GSTA1: variants seen among roughly 807,000 people sequenced by gnomAD.
GSTA1 encodes glutathione S-transferase alpha 1, also known as glutathione S-transferase A1.
GSTA1 carries 23 observed loss-of-function variants against 21.5 expected under a neutral mutation model. The ratio of observed to expected loss-of-function variants is 1.07; its 90% CI spans 0.77 to 1.52. The LOEUF is 1.52. Ranked by LOEUF, GSTA1 falls within the 40% of genes most tolerant of loss-of-function variation. GSTA1 has a pLI of 0.00. For synonymous variants in GSTA1, 125 were observed against 90.0 expected, an observed-to-expected ratio of 1.39 and a Z score of -2.20; for missense variants, 301 against 264.2, an observed-to-expected ratio of 1.14 and a Z score of -0.96.
chr6:52,802,036 G>A (rs1027452546), intron 1 of GSTA1, among the ~76,000 whole-genome samples: 3 of 152,132 alleles, frequency 2.0e-5, no homozygotes, highest in Non-Finnish European at 4.4e-5. Flanking sequence ...AGGAGAGGAC[G>A]AGAGGGGAAC....
At chr6:52,796,368 T>C (rs1272232597) in intron 3 of GSTA1, 54 bp from the exon 4 acceptor site, 2 of 1,609,328 alleles carry the variant, frequency 1.2e-6, no homozygotes, top group African/African-American at 2.7e-5. Flanking sequence ...CCCACCCTTT[T>C]GGGATGAACA....
chr6:52,794,530 G>C (rs1294748745), intron 4 of GSTA1, among the ~76,000 whole-genome samples: 3 of 152,118 alleles, frequency 2.0e-5, no homozygotes, highest in Non-Finnish European at 4.4e-5. Context: ...ACAGTCATGA[G>C]AGAAATTGGC....
chr6:52,797,405 A>G (rs1403490331), intron 3 of GSTA1, among the ~76,000 whole-genome samples, 181 bp downstream of exon 3: 10 of 151,926 alleles, frequency 6.6e-5, no homozygotes, highest in African/African-American at 2.4e-4. Context: ...GGTCCTTTTA[A>G]CCTGGAGAGA....
chr6:52,803,068 C>T (rs1199020813), intron 1 of GSTA1, among the ~76,000 whole-genome samples: 3 of 152,104 alleles, frequency 2.0e-5, no homozygotes, highest in Non-Finnish European at 4.4e-5. Context: ...GGTCTAGAGA[C>T]ATTTTGGGTT....
Position 52,794,252 on chromosome 6 carries a change from A to G in GSTA1, c.287T>C (p.Ile96Thr), listed in dbSNP as rs1581793581. ...TTCACCCAAATCTGCTATACCTTCT[A>G]TATACATATCAATCCTGAAAGACAG... ...IKERALIDMYIEGIADLGEMI... is the reference protein window; with the variant it reads ...IKERALIDMYTEGIADLGEMI... Residue 96 changes from isoleucine to threonine, a missense_variant, in exon 5 of 7, where the codon ATA (isoleucine) becomes ACA (threonine). Physicochemically the swap from Ile to Thr is moderately conservative, Grantham distance 89. Coordinates refer to ENST00000334575, the MANE Select transcript of GSTA1 (RefSeq NM_145740.5). The G allele has an allele frequency of 1.2e-6, 2 of 1,613,194 alleles. No individual in the cohort carries two copies. The highest frequency in any genetic ancestry group is 1.1e-5 in the South Asian group (1 of 90,982).
intron 3 of GSTA1, 115 bp downstream of exon 3, chr6:52,797,471 C>G: frequency 1.4e-6 from 1 of 733,394 alleles, no homozygotes; most frequent in South Asian, 1.6e-5. Context: ...CTTTCTCCCT[C>G]TGCACCATGT....
chr6:52,792,553 C>A (rs188339986), intron 6 of GSTA1, among the ~76,000 whole-genome samples: 1 of 152,236 alleles, frequency 6.6e-6, no homozygotes, highest in Admixed American at 6.5e-5. Flanking sequence ...AAGGACATCA[C>A]AGAGAACTCA....
chr6:52,791,901 T>A lies in GSTA1; in HGVS notation c.626A>T (p.Asp209Val). 1 of 1,614,010 alleles carries A rather than the reference T, an allele frequency of 6.2e-7. No homozygotes were observed. The highest frequency in any genetic ancestry group is 1.1e-5 in the South Asian group (1 of 91,074). Reference protein sequence around the residue: ...QPGSPRKPPMDEKSLEEARKI... With the variant: ...QPGSPRKPPMVEKSLEEARKI... ...CCTTGCTTCTTCTAAAGATTTCTCATCCATGGGAGGCTTCCTTGGGCTGCC... is the reference window on the plus strand; with the variant it reads ...CCTTGCTTCTTCTAAAGATTTCTCAACCATGGGAGGCTTCCTTGGGCTGCC... The change falls in exon 7 of 7, where the codon GAT becomes GTT. Residue 209 changes from aspartate to valine, a missense_variant. Asp to Val is a radical substitution (Grantham distance 152). Coordinates refer to ENST00000334575, the MANE Select transcript of GSTA1 (RefSeq NM_145740.5).
intron 5 of GSTA1, 43 bp from the exon 6 acceptor site, chr6:52,793,030 A>C (rs749448119): frequency 8.1e-6 from 13 of 1,613,288 alleles, no homozygotes; most frequent in African/African-American, 1.3e-5. Context: ...ATGCACACCC[A>C]GGCTAGGACC....
At chr6:52,794,535 A>AC (rs1392128869) in intron 4 of GSTA1, among the ~76,000 whole-genome samples, 3 of 152,234 alleles carry the variant, frequency 2.0e-5, no homozygotes, top group Non-Finnish European at 4.4e-5. Flanking sequence ...CATGAGAGAA[A>AC]TTGGCAGAAT....
chr6:52,792,817 A>T (rs371925381), intron 6 of GSTA1, 39 bp downstream of exon 6: 1 of 1,613,180 alleles, frequency 6.2e-7, no homozygotes, highest in Non-Finnish European at 8.5e-7. Flanking sequence ...CCAAGATGGG[A>T]GATGTGGGGC....
At chr6:52,796,040 C>T in intron 4 of GSTA1, 142 bp downstream of exon 4, 2 of 1,226,466 alleles carry the variant, frequency 1.6e-6, no homozygotes, top group South Asian at 1.4e-5. Context: ...CCATGGGACT[C>T]TGCAATACTG....
chr6:52,794,161 C>T lies in GSTA1; in HGVS notation c.378G>A (p.Glu126=), dbSNP rs767140151. ...CAGGGAAGTAGCGATTTTTTATTTT[C>T]TCTTTGATCAAGGCAAGCTTGGCAT... ...EKDAKLALIK[E]KIKNRYFPAF... The change falls in exon 5 of 7, where the codon GAG becomes GAA. Residue 126 remains glutamate (E), a synonymous_variant. Transcript: ENST00000334575. 1 of 1,614,052 alleles carries T rather than the reference C, an allele frequency of 6.2e-7. No individual in the cohort carries two copies. Among genetic ancestry groups the T allele is most frequent in the Admixed American group, 1.7e-5 (1 of 60,004 alleles).
intron 1 of GSTA1, among the ~76,000 whole-genome samples, chr6:52,803,374 G>T (rs1401159130): frequency 1.3e-5 from 2 of 152,060 alleles, no homozygotes; most frequent in Admixed American, 6.5e-5. Context: ...CCTGAGTTTT[G>T]TATTTTCACA....
intron 4 of GSTA1, among the ~76,000 whole-genome samples, chr6:52,794,992 G>C (rs532305630): frequency 6.6e-6 from 1 of 152,110 alleles, no homozygotes; most frequent in Non-Finnish European, 1.5e-5. Context: ...ATTGCCACCA[G>C]GTATATTATA....
Position 52,796,869 on chromosome 6 carries a change from GTTC to G in GSTA1, c.140-558_140-556del, listed in dbSNP as rs1035231674. ...CAACATTTTTAAAAAGCTTCCTGTA[GTTC>G]TTCTTTTTCTTAAGAAGTTTCCTTT... On this transcript the variant is annotated intron_variant, in intron 3 of 6. Transcript: ENST00000334575. Among the ~76,000 whole-genome samples the G allele has an allele frequency of 1.1e-3, 163 of 151,898 alleles. 1 individual carries two copies. The highest frequency in any genetic ancestry group is 3.7e-3 in the African/African-American group (153 of 41,418).
chr6:52,801,902 C>A (rs1027998832), intron 1 of GSTA1, among the ~76,000 whole-genome samples: 2 of 151,116 alleles, frequency 1.3e-5, no homozygotes, highest in Non-Finnish European at 2.9e-5. Context: ...GTTGGGTCAG[C>A]CTTAACTTCT....
At chr6:52,797,194 G>GA (rs528069038) in intron 3 of GSTA1, among the ~76,000 whole-genome samples, 11 of 152,096 alleles carry the variant, frequency 7.2e-5, no homozygotes, top group Non-Finnish European at 1.0e-4. Flanking sequence ...CCCCATGAAA[G>GA]AAAAAACTCA....
chr6:52,792,812 A>G (rs767025168), intron 6 of GSTA1, 44 bp downstream of exon 6: 1 of 1,613,202 alleles, frequency 6.2e-7, no homozygotes, highest in Non-Finnish European at 8.5e-7. Flanking sequence ...AGATCCCAAG[A>G]TGGGAGATGT....
Sources: gnomAD v4.1 joint callset for allele counts (sites outside exome capture counted in the v4.1 genomes callset) on GRCh38, gnomAD v4.1.1 for gene constraint, MANE v1.5 for transcripts, NCBI Gene and HGNC (gene_info 2026-07-23, HGNC 2026-07-21) for gene names.